The following CLSTN2 variants were observed in gnomAD, a reference collection of about 807,000 sequenced individuals.
CLSTN2 encodes calsyntenin-2.
CLSTN2 carries 48 observed loss-of-function variants against 101.2 expected under a neutral mutation model. The observed-to-expected ratio is 0.47, with a 90% CI of 0.38 to 0.60. The LOEUF (loss-of-function observed/expected upper bound fraction) is 0.60. Among genes scored for constraint, CLSTN2 ranks in the 20% least tolerant of loss-of-function variants. The pLI is 0.00. For synonymous variants in CLSTN2, 481 were observed against 463.6 expected, an observed-to-expected ratio of 1.04 and a Z score of -0.48; for missense variants, 1,160 against 1,238.2, an observed-to-expected ratio of 0.94 and a Z score of 0.95.
intron 5 of CLSTN2, among the ~76,000 whole-genome samples, chr3:140,431,638 C>A (rs995889971): frequency 5.3e-5 from 8 of 152,186 alleles, no homozygotes; most frequent in African/African-American, 9.7e-5. Flanking sequence ...CTTCTACATT[C>A]TTCCTCTGGT....
intron 2 of CLSTN2, among the ~76,000 whole-genome samples, chr3:140,206,339 G>A (rs1036507949): frequency 2.2e-4 from 33 of 152,202 alleles, no homozygotes; most frequent in African/African-American, 7.5e-4. Context: ...GCCCTGCAGA[G>A]CTCCTCAGCT....
intron 2 of CLSTN2, among the ~76,000 whole-genome samples, chr3:140,277,120 C>T (rs1365702075): frequency 6.6e-6 from 1 of 152,156 alleles, no homozygotes; most frequent in East Asian, 1.9e-4. Context: ...GTCATAGATG[C>T]CTGGACAACT....
At chr3:139,942,023 G>T (rs1332412746) in intron 1 of CLSTN2, among the ~76,000 whole-genome samples, 4 of 152,106 alleles carry the variant, frequency 2.6e-5, no homozygotes, top group Non-Finnish European at 4.4e-5. Context: ...TAAAACTGGG[G>T]TTACAAACTC....
intron 1 of CLSTN2, among the ~76,000 whole-genome samples, chr3:140,002,933 T>C (rs541653573): frequency 2.8e-4 from 43 of 152,328 alleles, no homozygotes; most frequent in African/African-American, 1.0e-3. Context: ...TGTCTGTTTT[T>C]ATGCCAGTAC....
At position 140,547,103 on chromosome 3, in the gene CLSTN2, C is replaced by T. The variant is rs550368334; in HGVS notation, c.1674+422C>T. ...GTGAAATACAAATTAAAAAGGAAAG[C>T]GAAAACCTGGGTGAGGTAGAATGAG... On this transcript the variant is annotated intron_variant, in intron 10 of 16. Transcript: ENST00000458420. 5.3e-5 allele frequency among the ~76,000 whole-genome samples: 8 copies of T among 152,258 alleles called. No homozygotes were observed. In the South Asian group the frequency reaches 1.5e-3, roughly 28 times the overall value.
At chr3:140,229,748 G>C (rs1313346426) in intron 2 of CLSTN2, among the ~76,000 whole-genome samples, 3 of 152,032 alleles carry the variant, frequency 2.0e-5, no homozygotes, top group Non-Finnish European at 4.4e-5. Context: ...ATCAGACCCA[G>C]TTTTCAAGTC....
intron 8 of CLSTN2, among the ~76,000 whole-genome samples, chr3:140,478,845 GAAGA>G (rs1934048015): frequency 6.9e-6 from 1 of 144,170 alleles, no homozygotes; most frequent in South Asian, 2.4e-4. Context: ...AGGGAGAGAG[GAAGA>G]AAGGAAGGAA....
intron 1 of CLSTN2, among the ~76,000 whole-genome samples, chr3:140,171,255 C>T (rs2010207884): frequency 6.6e-6 from 1 of 152,072 alleles, no homozygotes; most frequent in South Asian, 2.1e-4. Flanking sequence ...TACCTACTGT[C>T]CAATTCACAC....
chr3:140,422,780 C>A (rs1215397570), intron 5 of CLSTN2, among the ~76,000 whole-genome samples: 1 of 152,194 alleles, frequency 6.6e-6, no homozygotes, highest in African/African-American at 2.4e-5. Context: ...GAGGACCCTG[C>A]AGACAGAATT....
At chr3:140,492,515 T>C (rs1468355859) in intron 8 of CLSTN2, among the ~76,000 whole-genome samples, 1 of 152,220 alleles carries the variant, frequency 6.6e-6, no homozygotes, top group Non-Finnish European at 1.5e-5. Context: ...TACTGTGTTC[T>C]GGATTTTATG....
At chr3:140,346,128 T>C (rs2087544228) in intron 2 of CLSTN2, among the ~76,000 whole-genome samples, 1 of 152,174 alleles carries the variant, frequency 6.6e-6, no homozygotes, top group African/African-American at 2.4e-5. Flanking sequence ...TTTTGTGCCA[T>C]TTCTAATTCC....
chr3:140,009,723 G>T (rs2007033216), intron 1 of CLSTN2, among the ~76,000 whole-genome samples: 1 of 152,164 alleles, frequency 6.6e-6, no homozygotes, highest in South Asian at 2.1e-4. Flanking sequence ...CAACAAAAAA[G>T]TTCTTGTAAA....
intron 2 of CLSTN2, among the ~76,000 whole-genome samples, chr3:140,257,720 A>G (rs2086616280): frequency 6.6e-6 from 1 of 152,198 alleles, no homozygotes; most frequent in African/African-American, 2.4e-5. Flanking sequence ...GTTCTGACAC[A>G]TTGATGTGTC....
intron 2 of CLSTN2, among the ~76,000 whole-genome samples, chr3:140,267,740 G>A (rs2086708179): frequency 6.6e-6 from 1 of 152,106 alleles, no homozygotes; most frequent in East Asian, 1.9e-4. Flanking sequence ...TAGTTTGGTT[G>A]GCCTGAGGGA....
chr3:140,309,215 A>C (rs1182926034), intron 2 of CLSTN2, among the ~76,000 whole-genome samples: 1 of 152,158 alleles, frequency 6.6e-6, no homozygotes, highest in Non-Finnish European at 1.5e-5. Context: ...GGAACATGTC[A>C]CTGGGGTCCT....
chr3:140,510,350 G>GA (rs1457440199), intron 8 of CLSTN2, among the ~76,000 whole-genome samples: 1 of 152,098 alleles, frequency 6.6e-6, no homozygotes, highest in Non-Finnish European at 1.5e-5. Context: ...GAGAAAGAAA[G>GA]AAAAAAACCC....
chr3:140,480,310 G>C (rs1478194011), intron 8 of CLSTN2, among the ~76,000 whole-genome samples: 1 of 152,170 alleles, frequency 6.6e-6, no homozygotes, highest in African/African-American at 2.4e-5. Context: ...ATTCCATGGT[G>C]TATATGTGCC....
At chr3:140,069,502 T>C (rs2008356270) in intron 1 of CLSTN2, among the ~76,000 whole-genome samples, 1 of 152,286 alleles carries the variant, frequency 6.6e-6, no homozygotes, top group East Asian at 1.9e-4. Flanking sequence ...TGATGCTAGT[T>C]GATTGTATAA....
At chr3:140,236,740 G>C (rs1028711225) in intron 2 of CLSTN2, among the ~76,000 whole-genome samples, 5 of 151,658 alleles carry the variant, frequency 3.3e-5, no homozygotes, top group Non-Finnish European at 7.4e-5. Flanking sequence ...CTCCTATGGT[G>C]TCTAATCTGT....
Sources: gnomAD v4.1 joint callset for allele counts (sites outside exome capture counted in the v4.1 genomes callset) on GRCh38, gnomAD v4.1.1 for gene constraint, MANE v1.5 for transcripts, NCBI Gene and HGNC (gene_info 2026-07-23, HGNC 2026-07-21) for gene names.